KCNAB2: variants seen among roughly 807,000 people sequenced by gnomAD.
The protein encoded by KCNAB2 is voltage-gated potassium channel subunit beta-2.
In KCNAB2, 29 loss-of-function variants were observed where a neutral mutation model predicts 63.6. The ratio of observed to expected loss-of-function variants is 0.46; its 90% CI spans 0.34 to 0.62. The LOEUF (loss-of-function observed/expected upper bound fraction) is 0.62. Among genes scored for constraint, KCNAB2 ranks in the 20% least tolerant of loss-of-function variants. The pLI, the probability that KCNAB2 is intolerant of heterozygous loss-of-function variation, is 0.01. For missense variants in KCNAB2, 359 were observed against 563.9 expected (o/e 0.64, Z 3.68); for synonymous variants, 222 against 224.2 (o/e 0.99, Z 0.09).
chr1:6,047,666 G>A (rs1327131544), intron 1 of KCNAB2, among the ~76,000 whole-genome samples: 1 of 152,190 alleles, frequency 6.6e-6, no homozygotes, highest in East Asian at 1.9e-4. Context: ...CTTGGTTACT[G>A]TTCTACAAAT....
intron 1 of KCNAB2, among the ~76,000 whole-genome samples, chr1:6,016,670 C>G (rs993643784): frequency 6.6e-6 from 1 of 152,170 alleles, no homozygotes; most frequent in South Asian, 2.1e-4. Context: ...CGGTGTGACT[C>G]GGGCGGGGCA....
At position 6,073,823 on chromosome 1, in the gene KCNAB2, A is replaced by G; in HGVS notation, c.300+53A>G. The stretch of plus-strand genomic sequence containing the variant: ...GAACCCAGCACGGGCTCGCCAGAGC[A>G]CATGGTTAAGTCTGCCGCGTGGACC... On this transcript the variant is annotated intron_variant, in intron 4 of 15. Coordinates refer to ENST00000378083, the MANE Select transcript of KCNAB2 (RefSeq NM_001199862.2). This position sits in a 1 kb window ranked among gnomAD's most constrained non-coding sequence, Gnocchi z 5.7. 6.3e-7 allele frequency: 1 copy of G among 1,583,144 alleles called. No individual in the cohort carries two copies. Among genetic ancestry groups the G allele is most frequent in the Non-Finnish European group, 8.7e-7 (1 of 1,152,352 alleles).
At chr1:6,075,109 G>A (rs958832925) in intron 4 of KCNAB2, among the ~76,000 whole-genome samples, 1 of 152,208 alleles carries the variant, frequency 6.6e-6, no homozygotes, top group African/African-American at 2.4e-5. Flanking sequence ...TTGGAGCCCT[G>A]GGGCCCATAT....
chr1:6,091,129 AT>A (rs917015838), intron 9 of KCNAB2, 133 bp from the exon 10 acceptor site: 7 of 700,862 alleles, frequency 1.0e-5, no homozygotes, highest in Admixed American at 6.1e-5. Context: ...GTGTTGATAT[AT>A]TTTTTTCCTT....
chr1:6,063,014 G>A (rs1226334192), intron 2 of KCNAB2, among the ~76,000 whole-genome samples: 7 of 150,888 alleles, frequency 4.6e-5, no homozygotes, highest in African/African-American at 9.8e-5. Flanking sequence ...CTGTCTCTAC[G>A]GATTCGCCTA....
chr1:6,021,953 G>T (rs867055917), intron 1 of KCNAB2, among the ~76,000 whole-genome samples: 2 of 151,866 alleles, frequency 1.3e-5, no homozygotes, highest in Non-Finnish European at 2.9e-5. Context: ...AGCATTGAGG[G>T]TATGGTTCAG....
At chr1:5,993,055 T>C (rs946694294) in intron 1 of KCNAB2, among the ~76,000 whole-genome samples, 3 of 79,172 alleles carry the variant, frequency 3.8e-5, no homozygotes, top group African/African-American at 1.5e-4. Flanking sequence ...CTCGCATCCC[T>C]GACCCCTGCC....
intron 2 of KCNAB2, among the ~76,000 whole-genome samples, chr1:6,066,394 A>G (rs1030340757): frequency 2.6e-5 from 4 of 152,182 alleles, no homozygotes; most frequent in East Asian, 1.9e-4. Flanking sequence ...AGACTTGGGC[A>G]GTTTGTGCTG....
rs534415804 is a variant in KCNAB2, at chr1:6,001,855, C to T, written c.-53+9067C>T. Among the ~76,000 whole-genome samples the T allele has an allele frequency of 1.1e-3, 175 of 152,284 alleles. 1 individual carries two copies. The highest frequency in any genetic ancestry group is 4.0e-3 in the African/African-American group (167 of 41,550). Reference sequence around the variant, plus strand: ...TCTTTGACACTGTGCAGCCCAGACTCCTCATTTTATAGACAGGGAAACTGA... The same window carrying T: ...TCTTTGACACTGTGCAGCCCAGACTTCTCATTTTATAGACAGGGAAACTGA... On this transcript the variant is annotated intron_variant, in intron 1 of 16. Transcript: ENST00000341524.
In KCNAB2 at chr1:6,100,059, C is replaced by T; in HGVS notation, c.*1485C>T. 6.7e-7 allele frequency: 1 copy of T among 1,493,612 alleles called. No homozygotes were observed. The highest frequency in any genetic ancestry group is 8.9e-7 in the Non-Finnish European group (1 of 1,119,530). The allele number at this position is 1,493,612 out of a possible 1,614,324, so 92.5% of individuals were successfully genotyped here. A position where few individuals can be genotyped will look rare whatever the true frequency, so the allele number is the denominator to read the frequency against. Reference sequence around the variant, plus strand: ...TGTGTCTCCTGCCCCCAGGGCGCACCCTCAGTGCAGGCACCTCTGTTCCCG... The same window carrying T: ...TGTGTCTCCTGCCCCCAGGGCGCACTCTCAGTGCAGGCACCTCTGTTCCCG... On this transcript the variant is annotated 3_prime_UTR_variant, in exon 16 of 16. Transcript: ENST00000378083.
chr1:6,088,113 G>T (rs775368012), intron 7 of KCNAB2, among the ~76,000 whole-genome samples: 1 of 151,376 alleles, frequency 6.6e-6, no homozygotes, highest in Non-Finnish European at 1.5e-5. Flanking sequence ...AGGTTGGAGC[G>T]CAGTGCCACA....
chr1:6,001,918 G>A (rs546961336), intron 1 of KCNAB2, among the ~76,000 whole-genome samples: 34 of 152,250 alleles, frequency 2.2e-4, no homozygotes, highest in African/African-American at 7.9e-4. Flanking sequence ...CGGGATCATG[G>A]TGCAGCTCTC....
At chr1:6,072,585 G>A (rs559241723) in intron 2 of KCNAB2, among the ~76,000 whole-genome samples, 170 bp from the exon 3 acceptor site, 8 of 152,286 alleles carry the variant, frequency 5.3e-5, no homozygotes, top group East Asian at 3.9e-4. Flanking sequence ...CTTTACCCCC[G>A]GGGTGGGTGA....
intron 1 of KCNAB2, among the ~76,000 whole-genome samples, chr1:6,007,857 T>C (rs1657918256): frequency 6.6e-6 from 1 of 152,190 alleles, no homozygotes; most frequent in Non-Finnish European, 1.5e-5. Flanking sequence ...GCCCAACAGA[T>C]GCAGAGGCTC....
chr1:6,049,498 C>T (rs191317069), intron 1 of KCNAB2, among the ~76,000 whole-genome samples: 4 of 152,310 alleles, frequency 2.6e-5, no homozygotes, highest in African/African-American at 7.2e-5. Flanking sequence ...ATGGGAAACG[C>T]AGCCCCCCCA....
chr1:6,073,924 G>A lies in KCNAB2; in HGVS notation c.300+154G>A, dbSNP rs1404451841. On this transcript the variant is annotated intron_variant, in intron 4 of 15. Transcript: ENST00000378083. The surrounding 1 kb of genome is among the most constrained non-coding windows in gnomAD (Gnocchi z 5.7). Reference sequence around the variant, plus strand: ...TGTTTTGTGAGGGCGCCCTGCCCCAGGGGAGAGTAGAAAGGTGAGCCAGGT... The same window carrying A: ...TGTTTTGTGAGGGCGCCCTGCCCCAAGGGAGAGTAGAAAGGTGAGCCAGGT... The A allele has an allele frequency of 2.8e-6, 2 of 722,528 alleles. No individual in the cohort carries two copies. Among genetic ancestry groups the A allele is most frequent in the Non-Finnish European group, 4.7e-6 (2 of 422,918 alleles). 44.8% of individuals were successfully genotyped at this position (722,528 alleles called of 1,614,324 possible). A position where few individuals can be genotyped will look rare whatever the true frequency, so the allele number is the denominator to read the frequency against.
In KCNAB2 at chr1:6,074,010, C is replaced by T. The variant is rs557371600; in HGVS notation, c.300+240C>T. Among the ~76,000 whole-genome samples the T allele has an allele frequency of 6.6e-6, 1 of 152,234 alleles. No individual in the cohort carries two copies. Among genetic ancestry groups the T allele is most frequent in the African/African-American group, 2.4e-5 (1 of 41,456 alleles). The stretch of plus-strand genomic sequence containing the variant: ...TCACCCAGCAGTGGATGCCTCGGGC[C>T]TCAGCATGTCCCTTAAGCTCCCCAG... On this transcript the variant is annotated intron_variant, in intron 4 of 15. Transcript: ENST00000378083. The surrounding 1 kb of genome is among the most constrained non-coding windows in gnomAD (Gnocchi z 4.9).
rs1372663423 is a variant in KCNAB2, at chr1:6,090,461, A to G, written c.587A>G (p.Asn196Ser). The G allele has an allele frequency of 2.5e-6, 4 of 1,613,512 alleles. No homozygotes were observed. The highest frequency in any genetic ancestry group is 2.2e-5 in the South Asian group (2 of 91,072). Reference sequence around the variant, plus strand: ...GTGTTTGCCAACCGCCCGGACCCCAACACCCCGATGGAAGGTAGGTGGTCT... The same window carrying G: ...GTGTTTGCCAACCGCCCGGACCCCAGCACCCCGATGGAAGGTAGGTGGTCT... Reference protein sequence around the residue: ...DVVFANRPDPNTPMEGDPFSS... With the variant: ...DVVFANRPDPSTPMEGDPFSS... Residue 196 changes from asparagine (N) to serine (S), a missense_variant, in exon 9 of 16, where the codon AAC becomes AGC. Around this residue, in one of 2 missense-constraint regions of KCNAB2, gnomAD observed 271 missense variants for 476.1 expected, o/e 0.57. Transcript: ENST00000378083.
At position 6,003,609 on chromosome 1, in the gene KCNAB2, C is replaced by T. The variant is rs1424607119; in HGVS notation, c.-53+10821C>T. Among the ~76,000 whole-genome samples, 5 of 152,206 alleles carry T rather than the reference C, an allele frequency of 3.3e-5. No homozygotes were observed. The highest frequency in any genetic ancestry group is 2.1e-4 in the South Asian group (1 of 4,832). On this transcript the variant is annotated intron_variant, in intron 1 of 16. Coordinates refer to the KCNAB2 transcript ENST00000341524. The surrounding 1 kb of genome is among the most constrained non-coding windows in gnomAD (Gnocchi z 4.1). ...CTGTGGGAAACGTTTGTGTGCATCT[C>T]GCTTTATTTCCTCTCTTGAACTATT...
Sources: gnomAD v4.1 joint callset for allele counts (sites outside exome capture counted in the v4.1 genomes callset) on GRCh38, gnomAD v4.1.1 for gene constraint, gnomAD v4.1.1 regional missense constraint, Gnocchi (gnomAD v3.1) non-coding constraint, MANE v1.5 for transcripts, NCBI Gene and HGNC (gene_info 2026-07-23, HGNC 2026-07-21) for gene names.